Variants in CTNND2 observed in about 807,000 individuals in gnomAD.
CTNND2 encodes catenin delta-2.
Under a neutral mutation model 144.4 loss-of-function variants are expected in CTNND2, and 22 were observed. That is an observed-to-expected ratio of 0.15 (90% CI 0.11 to 0.22). The LOEUF (loss-of-function observed/expected upper bound fraction) is 0.22, where lower values mean the gene tolerates loss of function less well. CTNND2 is among the 10% of genes least tolerant of loss of function. The pLI, the probability that CTNND2 is intolerant of heterozygous loss-of-function variation, is 1.00. For missense variants in CTNND2, 1,353 were observed against 1,618.8 expected, an observed-to-expected ratio of 0.84 and a Z score of 2.82; for synonymous variants, 751 against 695.6, an observed-to-expected ratio of 1.08 and a Z score of -1.25.
At chr5:11,800,554 T>A (rs1282333479) in intron 1 of CTNND2, among the ~76,000 whole-genome samples, 1 of 152,156 alleles carries the variant, frequency 6.6e-6, no homozygotes, top group East Asian at 1.9e-4. Context: ...ACTGTGATAC[T>A]ACTGTGTGCC....
intron 12 of CTNND2, among the ~76,000 whole-genome samples, chr5:11,122,664 C>T (rs1379832995): frequency 6.6e-6 from 1 of 152,108 alleles, no homozygotes; most frequent in Non-Finnish European, 1.5e-5. Flanking sequence ...TTATAACCAT[C>T]AGAGCCCAGA....
At chr5:11,311,977 A>G (rs1352376955) in intron 9 of CTNND2, among the ~76,000 whole-genome samples, 4 of 132,024 alleles carry the variant, frequency 3.0e-5, no homozygotes, top group African/African-American at 1.2e-4. Flanking sequence ...ACACACACCC[A>G]CACACTACCC....
At chr5:11,042,054 T>C (rs188618695) in intron 16 of CTNND2, among the ~76,000 whole-genome samples, 10 of 151,488 alleles carry the variant, frequency 6.6e-5, no homozygotes, top group Admixed American at 5.2e-4. Context: ...TAGAGAAACT[T>C]ATCAGAATAG....
chr5:11,268,173 T>C (rs1580753407), intron 9 of CTNND2, among the ~76,000 whole-genome samples: 2 of 152,244 alleles, frequency 1.3e-5, no homozygotes, highest in Non-Finnish European at 2.9e-5. Flanking sequence ...GTGTCAAACA[T>C]TTCCTTTTCC....
At chr5:11,250,634 AG>A (rs1483875645) in intron 9 of CTNND2, among the ~76,000 whole-genome samples, 1 of 150,754 alleles carries the variant, frequency 6.6e-6, no homozygotes, top group African/African-American at 2.4e-5. Context: ...CTCCTGTCTC[AG>A]CCTCCAAAGT....
At chr5:11,293,112 AGGCT>A (rs34979060) in intron 9 of CTNND2, among the ~76,000 whole-genome samples, 24,804 of 152,106 alleles carry the variant, frequency 0.16, 2,290 homozygotes, top group African/African-American at 0.24. Context: ...GTGCAAACAA[AGGCT>A]GGCTTAGAAG....
At chr5:11,115,612 G>A (rs1012037584) in intron 13 of CTNND2, among the ~76,000 whole-genome samples, 10 of 152,156 alleles carry the variant, frequency 6.6e-5, no homozygotes, top group African/African-American at 2.4e-4. Context: ...ATACTAAATG[G>A]TCTAAAATGG....
At chr5:11,835,747 A>G (rs1433686886) in intron 1 of CTNND2, among the ~76,000 whole-genome samples, 1 of 152,126 alleles carries the variant, frequency 6.6e-6, no homozygotes, top group Non-Finnish European at 1.5e-5. Flanking sequence ...TGATCATTCC[A>G]ATGATCCAGC....
rs534425683 is a variant in CTNND2, at chr5:11,003,183, A to T, written c.3085-10506T>A. Reference sequence around the variant, plus strand: ...CAGCCCACAAAGCTTGTCAAGTCTAATTTTTTTTTTAAGTGACTTGAGATA... The same window carrying T: ...CAGCCCACAAAGCTTGTCAAGTCTATTTTTTTTTTTAAGTGACTTGAGATA... On this transcript the variant is annotated intron_variant, in intron 18 of 21. Transcript: ENST00000304623. Among the ~76,000 whole-genome samples, 615 of 150,168 alleles carry T rather than the reference A, an allele frequency of 4.1e-3. 4 individuals carry two copies. The highest frequency in any genetic ancestry group is 7.1e-3 in the Non-Finnish European group (479 of 67,380).
At chr5:11,803,048 G>A (rs1290274245) in intron 1 of CTNND2, among the ~76,000 whole-genome samples, 2 of 152,292 alleles carry the variant, frequency 1.3e-5, no homozygotes, top group South Asian at 2.1e-4. Flanking sequence ...CAGGACTGGC[G>A]TGGTGACTGA....
At chr5:11,630,256 T>C (rs1200098394) in intron 2 of CTNND2, among the ~76,000 whole-genome samples, 2 of 152,162 alleles carry the variant, frequency 1.3e-5, no homozygotes, top group Non-Finnish European at 2.9e-5. Context: ...CTGTGACAAA[T>C]GTCTGCTACA....
intron 1 of CTNND2, among the ~76,000 whole-genome samples, chr5:11,824,782 A>G (rs955943488): frequency 6.6e-6 from 1 of 152,186 alleles, no homozygotes; most frequent in African/African-American, 2.4e-5. Flanking sequence ...CTGAGGAAGG[A>G]TAAGAATGCA....
intron 3 of CTNND2, among the ~76,000 whole-genome samples, chr5:11,503,253 G>A (rs1009364280): frequency 2.0e-5 from 3 of 152,312 alleles, no homozygotes; most frequent in Admixed American, 2.0e-4. Flanking sequence ...TTAAGTGTCT[G>A]AACAAAGTAA....
chr5:11,378,718 T>C (rs1375564002), intron 7 of CTNND2, among the ~76,000 whole-genome samples: 2 of 152,188 alleles, frequency 1.3e-5, no homozygotes, highest in Admixed American at 6.5e-5. Context: ...ATTACCCCAG[T>C]AGACTTCACA....
intron 2 of CTNND2, among the ~76,000 whole-genome samples, chr5:11,651,462 C>T (rs575583792): frequency 2.0e-4 from 30 of 152,306 alleles, no homozygotes; most frequent in South Asian, 8.3e-4. Flanking sequence ...AGGTTGGATC[C>T]CCCAGACAGA....
At chr5:11,432,304 T>C (rs949147320) in intron 3 of CTNND2, among the ~76,000 whole-genome samples, 2 of 150,376 alleles carry the variant, frequency 1.3e-5, no homozygotes, top group African/African-American at 4.9e-5. Context: ...AGACCCAAAT[T>C]GTATGAAATT....
At chr5:11,655,857 T>C (rs1425020652) in intron 2 of CTNND2, among the ~76,000 whole-genome samples, 1 of 152,016 alleles carries the variant, frequency 6.6e-6, no homozygotes, top group Non-Finnish European at 1.5e-5. Context: ...TGGCTCCAGG[T>C]TTCCCAAGTT....
intron 14 of CTNND2, among the ~76,000 whole-genome samples, chr5:11,110,234 T>G (rs1406079382): frequency 6.6e-6 from 1 of 152,116 alleles, no homozygotes; most frequent in African/African-American, 2.4e-5. Flanking sequence ...GGGAACCTAC[T>G]TCCCGCTGCA....
chr5:11,457,679 G>T (rs972420784), intron 3 of CTNND2, among the ~76,000 whole-genome samples: 4 of 152,124 alleles, frequency 2.6e-5, no homozygotes, highest in African/African-American at 9.7e-5. Flanking sequence ...TTCTCCAAAG[G>T]CAGGCATTTT....
Sources: allele counts gnomAD v4.1 joint callset (sites outside exome capture counted in the v4.1 genomes callset), GRCh38; gene constraint gnomAD v4.1.1; transcripts MANE v1.5; gene names NCBI Gene and HGNC (gene_info 2026-07-23, HGNC 2026-07-21).